Variants in STK32A observed in about 807,000 individuals in gnomAD.
STK32A encodes serine/threonine kinase 32A.
Under a neutral mutation model 53.2 loss-of-function variants are expected in STK32A, and 41 were observed. The ratio of observed to expected loss-of-function variants is 0.77; its 90% CI spans 0.60 to 1.00. The LOEUF is 1.00. Ranked by LOEUF, STK32A falls within the 50% of genes least tolerant of loss-of-function variation. The pLI, the probability that STK32A is intolerant of heterozygous loss-of-function variation, is 0.00. For missense variants in STK32A, 458 were observed against 485.8 expected (o/e 0.94, Z 0.54); for synonymous variants, 166 against 162.8 (o/e 1.02, Z -0.15).
intron 2 of STK32A, among the ~76,000 whole-genome samples, chr5:147,259,784 G>T (rs1754414102): frequency 6.7e-6 from 1 of 148,158 alleles, no homozygotes; most frequent in African/African-American, 2.5e-5. Context: ...TCTCCTCTCT[G>T]TCTCTCTCTT....
intron 4 of STK32A, among the ~76,000 whole-genome samples, chr5:147,290,331 T>C (rs1561696951): frequency 6.6e-6 from 1 of 152,160 alleles, no homozygotes; most frequent in Non-Finnish European, 1.5e-5. Flanking sequence ...TCAACCTGAC[T>C]TGCCTCCAGG....
At chr5:147,270,060 G>T (rs13163700) in intron 2 of STK32A, among the ~76,000 whole-genome samples, 89,160 of 151,648 alleles carry the variant, frequency 0.59, 26,534 homozygotes, top group African/African-American at 0.67. Context: ...AGCAATGACA[G>T]CAAAAATGTG....
At chr5:147,392,110 G>C (rs1757827418), downstream of STK32A, 1 of 152,172 alleles carries the variant, frequency 6.6e-6, no homozygotes, top group Non-Finnish European at 1.5e-5. Context: ...ATATGCTTCA[G>C]ATCTGGCAAA....
At chr5:147,338,595 T>A (rs1755254084) in intron 5 of STK32A, among the ~76,000 whole-genome samples, 2 of 152,126 alleles carry the variant, frequency 1.3e-5, no homozygotes, top group Non-Finnish European at 1.5e-5. Context: ...TGTGGGAAAG[T>A]GTGGAACTTC....
chr5:147,256,304 T>C (rs1289866991), intron 2 of STK32A, among the ~76,000 whole-genome samples: 2 of 152,166 alleles, frequency 1.3e-5, no homozygotes, highest in African/African-American at 4.8e-5. Context: ...CTTCGGGATA[T>C]AGCAGAGAGA....
chr5:147,263,099 G>A (rs1235579098), intron 2 of STK32A, among the ~76,000 whole-genome samples: 1 of 152,110 alleles, frequency 6.6e-6, no homozygotes, highest in Non-Finnish European at 1.5e-5. Flanking sequence ...GAAAATGGAG[G>A]GATCGGGTAG....
intron 10 of STK32A, among the ~76,000 whole-genome samples, chr5:147,374,326 T>A (rs919381598): frequency 6.6e-6 from 1 of 151,274 alleles, no homozygotes; most frequent in Admixed American, 6.6e-5. Context: ...ATATGAGGCA[T>A]TTGCTGTGGG....
chr5:147,372,839 A>G (rs1757058399), intron 9 of STK32A, among the ~76,000 whole-genome samples: 1 of 152,144 alleles, frequency 6.6e-6, no homozygotes, highest in African/African-American at 2.4e-5. Flanking sequence ...CCTGATTACA[A>G]TCGTATGAAA....
At chr5:147,366,048 C>CACACAT (rs1415635016) in intron 8 of STK32A, among the ~76,000 whole-genome samples, 1 of 152,104 alleles carries the variant, frequency 6.6e-6, no homozygotes, top group South Asian at 2.1e-4. Context: ...CACACACACA[C>CACACAT]ACACATACAC....
intron 8 of STK32A, among the ~76,000 whole-genome samples, chr5:147,363,295 T>C (rs1756594626): frequency 6.6e-6 from 1 of 151,770 alleles, no homozygotes; most frequent in East Asian, 1.9e-4. Context: ...AATAATCTTC[T>C]TTGAGTTGTT....
intron 4 of STK32A, among the ~76,000 whole-genome samples, chr5:147,283,465 T>A (rs1752164326): frequency 3.7e-5 from 3 of 80,614 alleles, no homozygotes; most frequent in African/African-American, 1.6e-4. Context: ...TAAATGAAAT[T>A]GAAACAAAAA....
intron 8 of STK32A, among the ~76,000 whole-genome samples, chr5:147,367,260 C>G (rs914070396): frequency 3.9e-5 from 6 of 151,972 alleles, no homozygotes; most frequent in African/African-American, 1.4e-4. Context: ...GAGTTGGGGT[C>G]TTACCATGTT....
intron 7 of STK32A, among the ~76,000 whole-genome samples, chr5:147,351,878 T>C (rs1272955809): frequency 6.6e-6 from 1 of 151,790 alleles, no homozygotes; most frequent in East Asian, 1.9e-4. Flanking sequence ...AACAAAGAAG[T>C]AGGAAACAGT....
At chr5:147,244,277 T>C (rs1753697475) in intron 2 of STK32A, among the ~76,000 whole-genome samples, 1 of 152,252 alleles carries the variant, frequency 6.6e-6, no homozygotes, top group Non-Finnish European at 1.5e-5. Flanking sequence ...TTGTTTATCT[T>C]TTCATTAGTT....
chr5:147,381,628 G>C (rs1757456680), intron 11 of STK32A, among the ~76,000 whole-genome samples: 1 of 148,044 alleles, frequency 6.8e-6, no homozygotes, highest in Non-Finnish European at 1.5e-5. Flanking sequence ...GGGCAACAGA[G>C]CAAAAGTCTG....
chr5:147,337,185 G>A (rs72831387), intron 5 of STK32A, among the ~76,000 whole-genome samples: 4,585 of 152,258 alleles, frequency 0.03, 86 homozygotes, highest in Middle Eastern at 0.082. Flanking sequence ...AGTTCTCACA[G>A]CTGGAATCAG....
chr5:147,289,213 C>G (rs1752487417), intron 4 of STK32A, among the ~76,000 whole-genome samples: 1 of 152,064 alleles, frequency 6.6e-6, no homozygotes, highest in Non-Finnish European at 1.5e-5. Context: ...CAAGACTCCC[C>G]AATATATTGT....
In STK32A at chr5:147,243,748, C is replaced by A. The variant is rs556892504; in HGVS notation, c.52+4062C>A. 5.1e-3 allele frequency among the ~76,000 whole-genome samples: 549 copies of A among 108,606 alleles called. 10 individuals are homozygous for A. The highest frequency in any genetic ancestry group is 0.016 in the African/African-American group (490 of 29,794). The allele number at this position is 108,606 out of a possible 152,430, so 71.2% of individuals were successfully genotyped here. A position where few individuals can be genotyped will look rare whatever the true frequency, so the allele number is the denominator to read the frequency against. On this transcript the variant is annotated intron_variant, in intron 2 of 12. Transcript: ENST00000397936. ...GAGCAAGACTCTGTCCAAAAAAAAA[C>A]GGCTTGCTTATTTGATTATATAAGA...
chr5:147,317,585 A>G (rs1754069457), intron 4 of STK32A, among the ~76,000 whole-genome samples: 1 of 151,750 alleles, frequency 6.6e-6, no homozygotes, highest in African/African-American at 2.4e-5. Flanking sequence ...TCAGCCTCCC[A>G]AAGTGCTGGG....
Sources: gnomAD v4.1 joint callset for allele counts (sites outside exome capture counted in the v4.1 genomes callset) on GRCh38, gnomAD v4.1.1 for gene constraint, MANE v1.5 for transcripts, NCBI Gene and HGNC (gene_info 2026-07-23, HGNC 2026-07-21) for gene names.